BNIP3L: variants seen among roughly 807,000 people sequenced by gnomAD.
The protein encoded by BNIP3L is BCL2 interacting protein 3 like, also known as BCL2/adenovirus E1B 19 kDa protein-interacting protein 3-like.
Under a neutral mutation model 25.5 loss-of-function variants are expected in BNIP3L, and 10 were observed. The ratio of observed to expected loss-of-function variants is 0.39; its 90% confidence interval spans 0.24 to 0.67. The LOEUF (loss-of-function observed/expected upper bound fraction) is 0.67. BNIP3L is among the 30% of genes least tolerant of loss of function. BNIP3L has a pLI of 0.45. For synonymous variants in BNIP3L, 113 were observed against 101.2 expected, an observed-to-expected ratio of 1.12 and a Z score of -0.70; for missense variants, 215 against 270.9, an observed-to-expected ratio of 0.79 and a Z score of 1.45.
chr8:26,385,339 G>A (rs1288200918), intron 1 of BNIP3L, among the ~76,000 whole-genome samples: 1 of 151,940 alleles, frequency 6.6e-6, no homozygotes, highest in East Asian at 1.9e-4. Context: ...GCTCACACCT[G>A]TCATCCTAGC....
rs1482933156 is a variant in BNIP3L at position 26,411,407 on chromosome 8, C to A, written c.*995C>A. 3 of 152,150 alleles carry A rather than the reference C, an allele frequency of 2.0e-5. No individual in the cohort carries two copies. Among genetic ancestry groups the A allele is most frequent in the Non-Finnish European group, 4.4e-5 (3 of 68,030 alleles). 9.4% of individuals were successfully genotyped at this position (152,150 alleles called of 1,614,324 possible). ...TCACCTATACTCTGAAGCCTTTAAA[C>A]TCTGAAGAGAATTGTTTCAGAGTTA... On this transcript the variant is annotated 3_prime_UTR_variant, in exon 6 of 6. Coordinates refer to ENST00000380629, the MANE Select transcript of BNIP3L (RefSeq NM_004331.3).
chr8:26,408,459 T>G, intron 5 of BNIP3L, 83 bp downstream of exon 5: 1 of 1,435,126 alleles, frequency 7.0e-7, no homozygotes, highest in Non-Finnish European at 9.5e-7. Flanking sequence ...GTGAAAGCAG[T>G]TTTTATTGCT....
intron 3 of BNIP3L, among the ~76,000 whole-genome samples, chr8:26,400,987 C>T (rs1322843035): frequency 7.3e-6 from 1 of 137,348 alleles, no homozygotes; most frequent in Non-Finnish European, 1.6e-5. Flanking sequence ...ACTAGTTCAA[C>T]CATTGTGGAA....
intron 3 of BNIP3L, among the ~76,000 whole-genome samples, chr8:26,405,802 G>C (rs905823795): frequency 6.6e-6 from 1 of 152,204 alleles, no homozygotes; most frequent in Non-Finnish European, 1.5e-5. Flanking sequence ...CAACACTTTG[G>C]GAGGCTGAGG....
chr8:26,403,149 G>C (rs543568830), intron 3 of BNIP3L, among the ~76,000 whole-genome samples: 1 of 152,086 alleles, frequency 6.6e-6, no homozygotes, highest in Non-Finnish European at 1.5e-5. Context: ...CAATCAGATC[G>C]GTCAGTTTCA....
rs1806635774 is a variant in BNIP3L, at chr8:26,411,962, C to G, written c.*1550C>G. 1 of 152,600 alleles carries G rather than the reference C, an allele frequency of 6.6e-6. No individual in the cohort carries two copies. Among genetic ancestry groups the G allele is most frequent in the South Asian group, 2.1e-4 (1 of 4,830 alleles). The allele number at this position is 152,600 out of a possible 1,614,324, so 9.5% of individuals were successfully genotyped here. A position where few individuals can be genotyped will look rare whatever the true frequency, so the allele number is the denominator to read the frequency against. On this transcript the variant is annotated 3_prime_UTR_variant, in exon 6 of 6. Transcript: ENST00000380629. ...CCAGTTTGCAGAAACTAACTCTTTT[C>G]TCACATCAACATTTGTAAAATTGAT...
rs768949110 is a variant in BNIP3L, at chr8:26,391,310, G to A, written c.168G>A (p.Gly56=). The change falls in exon 2 of 6, where the codon GGG becomes GGA. Residue 56 remains glycine (G), a synonymous_variant. Transcript: ENST00000380629. ...ATAATGGCAATGGGAAAAATGGGGGGCTGGAACACGTACCATCCTCATCCT... is the reference window on the plus strand; with the variant it reads ...ATAATGGCAATGGGAAAAATGGGGGACTGGAACACGTACCATCCTCATCCT... ...GNDNGNGKNG[G]LEHVPSSSSI... is the part of the protein sequence containing the mutation. 14 of 1,612,100 alleles carry A rather than the reference G, an allele frequency of 8.7e-6. No homozygotes were observed. Among genetic ancestry groups the A allele is most frequent in the African/African-American group, 1.3e-5 (1 of 74,792 alleles).
rs189108402 is a variant in BNIP3L at position 26,389,407 on chromosome 8, A to G, written c.101-1836A>G. Among the ~76,000 whole-genome samples, 66 of 152,168 alleles carry G rather than the reference A, an allele frequency of 4.3e-4. 1 individual carries two copies. The highest frequency in any genetic ancestry group is 3.4e-3 in the Middle Eastern group (1 of 294). On this transcript the variant is annotated intron_variant, in intron 1 of 5. Coordinates refer to ENST00000380629, the MANE Select transcript of BNIP3L (RefSeq NM_004331.3). ...AGGCACTCGAGATAAATTATCTTCA[A>G]TGTTAGATCTCTCTTAGCTTTGCTA...
intron 3 of BNIP3L, among the ~76,000 whole-genome samples, chr8:26,400,641 G>A (rs1211603543): frequency 7.6e-6 from 1 of 131,796 alleles, no homozygotes; most frequent in African/African-American, 2.8e-5. Flanking sequence ...CTACAACATG[G>A]GAGAAAATTT....
chr8:26,395,407 A>G (rs541713387), intron 3 of BNIP3L, 105 bp downstream of exon 3: 2 of 1,227,090 alleles, frequency 1.6e-6, no homozygotes, highest in East Asian at 2.4e-5. Context: ...AATAGTTTGA[A>G]GCTATTATTG....
At chr8:26,390,497 G>GA (rs1563338122) in intron 1 of BNIP3L, 5 of 985,254 alleles carry the variant, frequency 5.1e-6, no homozygotes, top group Non-Finnish European at 6.0e-6. Flanking sequence ...GGAGAGAAAA[G>GA]AAAAAAGACA....
chr8:26,401,607 TAAAAAA>T (rs1343657865), intron 3 of BNIP3L, among the ~76,000 whole-genome samples: 3 of 78,036 alleles, frequency 3.8e-5, no homozygotes, highest in Non-Finnish European at 8.4e-5. Context: ...AGGTACAAAA[TAAAAAA>T]AAAAAAAAAG....
chr8:26,392,832 T>C (rs1806145315), intron 2 of BNIP3L, among the ~76,000 whole-genome samples: 1 of 152,188 alleles, frequency 6.6e-6, no homozygotes. Context: ...GCCTTGATCA[T>C]TGATACCATG....
intron 3 of BNIP3L, among the ~76,000 whole-genome samples, chr8:26,406,536 G>A (rs1017281550): frequency 3.9e-5 from 6 of 152,084 alleles, no homozygotes; most frequent in Non-Finnish European, 8.8e-5. Context: ...GTTAATGCAT[G>A]TGGCTGGGTG....
intron 3 of BNIP3L, among the ~76,000 whole-genome samples, chr8:26,405,656 C>T (rs571268489): frequency 3.3e-5 from 5 of 152,256 alleles, no homozygotes; most frequent in African/African-American, 1.2e-4. Flanking sequence ...TTTGGTCATT[C>T]TTTTGAGTGA....
intron 1 of BNIP3L, among the ~76,000 whole-genome samples, chr8:26,388,467 C>A (rs933819882): frequency 2.6e-5 from 4 of 152,114 alleles, no homozygotes; most frequent in African/African-American, 9.7e-5. Flanking sequence ...CCACACTATA[C>A]CAGTGTATCC....
chr8:26,395,449 T>C lies in BNIP3L; in HGVS notation c.357+147T>C, dbSNP rs1009073324. On this transcript the variant is annotated intron_variant, in intron 3 of 5. Coordinates refer to ENST00000380629, the MANE Select transcript of BNIP3L (RefSeq NM_004331.3). ...TGATTTTGGAATTTATTTAGGATGA[T>C]ATAGTTCTTGTCGCACTCCTTTACA... 1.0e-5 allele frequency: 9 copies of C among 899,992 alleles called. No individual in the cohort carries two copies. In the African/African-American group the frequency reaches 1.2e-4, roughly 12 times the overall value. The allele number at this position is 899,992 out of a possible 1,614,324, so 55.8% of individuals were successfully genotyped here. A position where few individuals can be genotyped will look rare whatever the true frequency, so the allele number is the denominator to read the frequency against.
At chr8:26,395,166 G>C (rs552041214) in intron 2 of BNIP3L, 64 bp from the exon 3 acceptor site, 1 of 1,539,288 alleles carries the variant, frequency 6.5e-7, no homozygotes. Flanking sequence ...CTAATTTCTA[G>C]TAGAGACTAA....
intron 1 of BNIP3L, among the ~76,000 whole-genome samples, chr8:26,388,250 TGTA>T (rs1429786603): frequency 2.0e-5 from 3 of 152,212 alleles, no homozygotes; most frequent in Non-Finnish European, 4.4e-5. Context: ...AGAATATAAT[TGTA>T]GTAGCTAAAA....
Sources: allele counts gnomAD v4.1 joint callset (sites outside exome capture counted in the v4.1 genomes callset), GRCh38; gene constraint gnomAD v4.1.1; transcripts MANE v1.5; gene names NCBI Gene and HGNC (gene_info 2026-07-23, HGNC 2026-07-21).